REEP1: variants seen among roughly 807,000 people sequenced by gnomAD.
REEP1 encodes the protein receptor expression-enhancing protein 1.
REEP1 carries 22 observed loss-of-function variants against 40.3 expected under a neutral mutation model. The observed-to-expected ratio is 0.55, with a 90% CI of 0.39 to 0.78. The LOEUF is 0.78. REEP1 is among the 30% of genes least tolerant of loss of function. The pLI is 0.00. For synonymous variants in REEP1, 116 were observed against 139.2 expected (o/e 0.83, Z 1.17); for missense variants, 280 against 361.1 (o/e 0.78, Z 1.82).
chr2:86,251,295 C>T (rs1474591056), intron 5 of REEP1: 3 of 153,614 alleles, frequency 2.0e-5, no homozygotes, highest in Admixed American at 6.4e-5. Flanking sequence ...GGAAGAAACA[C>T]AGTTTTGAAA....
intron 5 of REEP1, among the ~76,000 whole-genome samples, chr2:86,236,745 T>C (rs898946071): frequency 1.3e-5 from 2 of 152,114 alleles, no homozygotes; most frequent in Admixed American, 1.3e-4. Context: ...TCAATTTTTT[T>C]TTTTTTTTCG....
rs1674017485 is a variant in REEP1 at position 86,214,865 on chromosome 2, T to C, written c.*2174A>G. On this transcript the variant is annotated 3_prime_UTR_variant, in exon 9 of 9. Transcript: ENST00000538924. ...AGAATAGAGCGCTTCAAACTTTTTT[T>C]GGCATAGTTAAGTGCAAACTTGATA... The C allele has an allele frequency of 6.6e-6, 1 of 152,618 alleles. No homozygotes were observed. Among genetic ancestry groups the C allele is most frequent in the African/African-American group, 2.4e-5 (1 of 41,440 alleles). 9.5% of individuals were successfully genotyped at this position (152,618 alleles called of 1,614,324 possible). A position where few individuals can be genotyped will look rare whatever the true frequency, so the allele number is the denominator to read the frequency against.
chr2:86,305,822 G>A (rs1323471813), intron 1 of REEP1, among the ~76,000 whole-genome samples: 1 of 152,030 alleles, frequency 6.6e-6, no homozygotes, highest in African/African-American at 2.4e-5. Flanking sequence ...CCTCCTCATT[G>A]CATGCCCGGA....
chr2:86,230,688 C>T (rs1160039397), intron 6 of REEP1, among the ~76,000 whole-genome samples: 1 of 152,214 alleles, frequency 6.6e-6, no homozygotes, highest in African/African-American at 2.4e-5. Flanking sequence ...CAGGCATGGC[C>T]ATAAGCACTT....
At chr2:86,311,638 G>A (rs1028059757) in intron 1 of REEP1, among the ~76,000 whole-genome samples, 2 of 152,078 alleles carry the variant, frequency 1.3e-5, no homozygotes, top group Non-Finnish European at 2.9e-5. Context: ...TTTTTATAAG[G>A]ATACCAATCA....
intron 2 of REEP1, among the ~76,000 whole-genome samples, chr2:86,267,042 A>G (rs1445731361): frequency 6.6e-6 from 1 of 151,604 alleles, no homozygotes; most frequent in East Asian, 1.9e-4. Flanking sequence ...CAACCAAACT[A>G]AAAAATTTAC....
At chr2:86,266,276 CAT>C in intron 2 of REEP1, among the ~76,000 whole-genome samples, 1 of 152,340 alleles carries the variant, frequency 6.6e-6, no homozygotes, top group African/African-American at 2.4e-5. Flanking sequence ...ACAAGAAAAA[CAT>C]ATAATTAAAT....
intron 2 of REEP1, among the ~76,000 whole-genome samples, chr2:86,279,854 T>C (rs1269063544): frequency 6.6e-6 from 1 of 152,218 alleles, no homozygotes; most frequent in Non-Finnish European, 1.5e-5. Flanking sequence ...TCATTGGACT[T>C]CTGACCTTCA....
intron 1 of REEP1, among the ~76,000 whole-genome samples, chr2:86,324,795 A>C (rs1210632899): frequency 6.6e-6 from 1 of 152,148 alleles, no homozygotes; most frequent in Non-Finnish European, 1.5e-5. Flanking sequence ...AACCTGTGCA[A>C]AGGTATACCA....
At chr2:86,286,895 C>T (rs376960432) in intron 1 of REEP1, among the ~76,000 whole-genome samples, 2 of 152,160 alleles carry the variant, frequency 1.3e-5, no homozygotes, top group African/African-American at 2.4e-5. Context: ...TCAATGCTGG[C>T]AATATATTTT....
chr2:86,273,375 G>A (rs916909335), intron 2 of REEP1, among the ~76,000 whole-genome samples: 6 of 149,948 alleles, frequency 4.0e-5, no homozygotes, highest in South Asian at 4.2e-4. Flanking sequence ...GTCTCGACCT[G>A]CTGGGCTCAA....
At chr2:86,324,197 A>G (rs950300276) in intron 1 of REEP1, among the ~76,000 whole-genome samples, 2 of 152,200 alleles carry the variant, frequency 1.3e-5, no homozygotes, top group African/African-American at 4.8e-5. Flanking sequence ...ATCAATGTAG[A>G]CTATAAAAAA....
chr2:86,242,846 A>C (rs1675736578), intron 5 of REEP1, among the ~76,000 whole-genome samples: 1 of 152,126 alleles, frequency 6.6e-6, no homozygotes, highest in African/African-American at 2.4e-5. Flanking sequence ...CCAAATGCAG[A>C]GAAGGGATGT....
At chr2:86,335,587 A>T (rs1159020400) in intron 1 of REEP1, among the ~76,000 whole-genome samples, 2 of 152,174 alleles carry the variant, frequency 1.3e-5, no homozygotes, top group East Asian at 1.9e-4. Context: ...GTGGTAGCTC[A>T]CGCCTGTAAT....
intron 1 of REEP1, among the ~76,000 whole-genome samples, chr2:86,286,380 C>T (rs61258813): frequency 0.043 from 6,491 of 152,216 alleles, 474 homozygotes; most frequent in African/African-American, 0.15. Context: ...CTATCATGCA[C>T]AGGACAGCCC....
intron 1 of REEP1, among the ~76,000 whole-genome samples, chr2:86,316,613 C>T (rs1444974090): frequency 1.3e-5 from 2 of 150,358 alleles, no homozygotes; most frequent in Non-Finnish European, 2.9e-5. Context: ...AATCCCAGCA[C>T]TTTGGGAGGC....
At chr2:86,289,929 T>C (rs1264665767) in intron 1 of REEP1, among the ~76,000 whole-genome samples, 1 of 152,146 alleles carries the variant, frequency 6.6e-6, no homozygotes, top group African/African-American at 2.4e-5. Context: ...CTCAAATGCA[T>C]TATGGTGAGT....
intron 1 of REEP1, among the ~76,000 whole-genome samples, chr2:86,303,026 T>C (rs1456509113): frequency 6.6e-6 from 1 of 152,098 alleles, no homozygotes; most frequent in Non-Finnish European, 1.5e-5. Flanking sequence ...AGGCTGAAGC[T>C]GAATTGCTTT....
At position 86,215,787 on chromosome 2, in the gene REEP1, A is replaced by G. The variant is rs1403612470; in HGVS notation, c.*1252T>C. ...AATCCAGGCTTGTATAAAACGTCTG[A>G]TAAGGCCTGTAGTGCCCATTGAGTA... On this transcript the variant is annotated 3_prime_UTR_variant, in exon 9 of 9. Coordinates refer to ENST00000538924, the MANE Select transcript of REEP1 (RefSeq NM_001371279.1). The G allele has an allele frequency of 6.6e-6, 1 of 152,528 alleles. No homozygotes were observed. Among genetic ancestry groups the G allele is most frequent in the Admixed American group, 6.5e-5 (1 of 15,278 alleles). 9.4% of individuals were successfully genotyped at this position (152,528 alleles called of 1,614,324 possible).
Sources: gnomAD v4.1 joint callset for allele counts (sites outside exome capture counted in the v4.1 genomes callset) on GRCh38, gnomAD v4.1.1 for gene constraint, MANE v1.5 for transcripts, NCBI Gene and HGNC (gene_info 2026-07-23, HGNC 2026-07-21) for gene names.